Variants in TBCE observed in about 807,000 individuals in gnomAD.
The protein encoded by TBCE is tubulin folding cofactor E, also known as tubulin-specific chaperone E.
TBCE carries 53 observed loss-of-function variants against 77.0 expected under a neutral mutation model. The observed-to-expected ratio is 0.69, with a 90% CI of 0.55 to 0.87. TBCE has a LOEUF of 0.87. Among genes scored for constraint, TBCE ranks in the 40% least tolerant of loss-of-function variants. The pLI is 0.00. For synonymous variants in TBCE, 235 were observed against 241.3 expected (o/e 0.97, Z 0.24); for missense variants, 624 against 622.4 (o/e 1.00, Z -0.03).
chr1:235,368,114 C>T (rs1416612188), intron 1 of TBCE, among the ~76,000 whole-genome samples: 1 of 152,154 alleles, frequency 6.6e-6, no homozygotes, highest in Admixed American at 6.6e-5. Flanking sequence ...CCATGTTGGC[C>T]AGGCTGCTCT....
At chr1:235,426,088 C>A (rs556635040) in intron 5 of TBCE, among the ~76,000 whole-genome samples, 96 of 152,346 alleles carry the variant, frequency 6.3e-4, no homozygotes, top group African/African-American at 2.3e-3. Context: ...AATTTCCACA[C>A]ATACACATAT....
chr1:235,442,328 A>G (rs781239962), intron 14 of TBCE, among the ~76,000 whole-genome samples: 1 of 152,004 alleles, frequency 6.6e-6, no homozygotes, highest in African/African-American at 2.4e-5. Flanking sequence ...GCGCCACCAC[A>G]CCCAGTTAAT....
rs12751727 is a variant in TBCE, at chr1:235,448,021, C to T, written c.1400-328C>T. 3.0e-3 allele frequency among the ~76,000 whole-genome samples: 456 copies of T among 152,022 alleles called. 3 individuals are homozygous for T. Among genetic ancestry groups the T allele is most frequent in the Non-Finnish European group, 4.3e-3 (289 of 67,962 alleles). On this transcript the variant is annotated intron_variant, in intron 15 of 16. Coordinates refer to ENST00000642610, the MANE Select transcript of TBCE (RefSeq NM_003193.5). ...GTCAGGAGTTCAAGACCAGCCTGGCCAACATGGTGAAACCCCGTCTCTACT... is the reference window on the plus strand; with the variant it reads ...GTCAGGAGTTCAAGACCAGCCTGGCTAACATGGTGAAACCCCGTCTCTACT...
chr1:235,396,391 T>C (rs369923065), intron 2 of TBCE, among the ~76,000 whole-genome samples: 36 of 152,320 alleles, frequency 2.4e-4, no homozygotes, highest in African/African-American at 7.9e-4. Context: ...CATTCATCTG[T>C]TGATGGACAC....
In TBCE at chr1:235,400,679, C is replaced by T. The variant is rs374406379; in HGVS notation, c.101-824C>T. ...CCTCTCAAAGTGCTGGGGTTACAGG[C>T]GTGAGCCACTGTGCCCAGCCTTTTT... is the stretch of plus-strand genomic sequence containing the variant. On this transcript the variant is annotated intron_variant, in intron 2 of 16. Coordinates refer to ENST00000642610, the MANE Select transcript of TBCE (RefSeq NM_003193.5). 4.1e-4 allele frequency among the ~76,000 whole-genome samples: 62 copies of T among 150,228 alleles called. No homozygotes were observed. In the East Asian group the frequency reaches 0.01, roughly 25 times the overall value.
rs186664629 is a variant in TBCE, at chr1:235,369,974, C to T, written c.-32+2470C>T. On this transcript the variant is annotated intron_variant, in intron 1 of 16. Coordinates refer to ENST00000642610, the MANE Select transcript of TBCE (RefSeq NM_003193.5). Reference sequence around the variant, plus strand: ...TATGGTCTCCTCAAGCGCATCCTAGCCTCAGGATATTTGCACTTGCTATTC... The same window carrying T: ...TATGGTCTCCTCAAGCGCATCCTAGTCTCAGGATATTTGCACTTGCTATTC... 1.5e-4 allele frequency among the ~76,000 whole-genome samples: 23 copies of T among 152,280 alleles called. No individual in the cohort carries two copies. In the East Asian group the frequency reaches 3.9e-3, roughly 25 times the overall value.
rs925848562 is a variant in TBCE, at chr1:235,432,892, T to C, written c.661-1312T>C. 5 of 669,090 alleles carry C rather than the reference T, an allele frequency of 7.5e-6. No individual in the cohort carries two copies. The African/African-American group carries it at 9.8e-5, about 13-fold the overall frequency. 41.4% of individuals were successfully genotyped at this position (669,090 alleles called of 1,614,324 possible). On this transcript the variant is annotated intron_variant, in intron 7 of 16. Transcript: ENST00000642610. ...TATTATATATTATTATACATAATTA[T>C]ATAATATATAATAATTTTTTGTAAT... is the stretch of plus-strand genomic sequence containing the variant.
chr1:235,450,223 G>A lies in TBCE; in HGVS notation c.*1461G>A, dbSNP rs151155734. 4.6e-5 allele frequency: 74 copies of A among 1,613,990 alleles called. No homozygotes were observed. Among genetic ancestry groups the A allele is most frequent in the Non-Finnish European group, 5.6e-5 (66 of 1,179,978 alleles). Reference sequence around the variant, plus strand: ...AGTCCCTGTTATCTTGCTTGACATCGACAAGGATCACCGCACCGTTCCTTC... The same window carrying A: ...AGTCCCTGTTATCTTGCTTGACATCAACAAGGATCACCGCACCGTTCCTTC... On this transcript the variant is annotated 3_prime_UTR_variant, in exon 17 of 17. Transcript: ENST00000642610.
intron 13 of TBCE, chr1:235,440,716 C>G (rs1243413395): frequency 6.6e-6 from 1 of 152,034 alleles, no homozygotes; most frequent in Non-Finnish European, 1.5e-5. Flanking sequence ...TTTTTAAAGC[C>G]CCCCAGGTAA....
intron 4 of TBCE, among the ~76,000 whole-genome samples, chr1:235,417,422 A>G (rs1680169559): frequency 6.6e-6 from 1 of 152,236 alleles, no homozygotes; most frequent in Non-Finnish European, 1.5e-5. Flanking sequence ...ACAAGTATTT[A>G]TGTACATCTA....
chr1:235,416,230 C>A (rs1680107592), intron 4 of TBCE: 1 of 150,880 alleles, frequency 6.6e-6, no homozygotes, highest in Admixed American at 6.6e-5. Flanking sequence ...TACTGTTTAC[C>A]CTACTGATTT....
At position 235,450,441 on chromosome 1, in the gene TBCE, G is replaced by T; in HGVS notation, c.*1679G>T. ...AGCTTTTATGTATTCTAATGATGCT[G>T]AAATTATTTCAAGGATAACTCCGTG... On this transcript the variant is annotated 3_prime_UTR_variant, in exon 17 of 17. Coordinates refer to ENST00000642610, the MANE Select transcript of TBCE (RefSeq NM_003193.5). 1 of 1,381,766 alleles carries T rather than the reference G, an allele frequency of 7.2e-7. No homozygotes were observed. Among genetic ancestry groups the T allele is most frequent in the Non-Finnish European group, 1.0e-6 (1 of 1,001,486 alleles). The allele number at this position is 1,381,766 out of a possible 1,614,324, so 85.6% of individuals were successfully genotyped here. A position where few individuals can be genotyped will look rare whatever the true frequency, so the allele number is the denominator to read the frequency against.
intron 3 of TBCE, among the ~76,000 whole-genome samples, chr1:235,408,146 A>AT (rs1679564424): frequency 6.6e-6 from 1 of 152,218 alleles, no homozygotes; most frequent in Admixed American, 6.5e-5. Flanking sequence ...ATGGTTGACA[A>AT]TTTAAGAAAC....
At chr1:235,385,123 G>A (rs543633920) in intron 2 of TBCE, among the ~76,000 whole-genome samples, 10 of 152,100 alleles carry the variant, frequency 6.6e-5, no homozygotes, top group South Asian at 4.2e-4. Flanking sequence ...GTAGTTGAGC[G>A]GTTTTGAGTG....
intron 3 of TBCE, among the ~76,000 whole-genome samples, chr1:235,407,393 T>C (rs1679509997): frequency 1.3e-5 from 2 of 152,216 alleles, no homozygotes; most frequent in African/African-American, 4.8e-5. Context: ...GTCTAGTACA[T>C]TTTATAAAAA....
chr1:235,393,907 C>T (rs1678560457), intron 2 of TBCE, among the ~76,000 whole-genome samples: 1 of 152,056 alleles, frequency 6.6e-6, no homozygotes, highest in Non-Finnish European at 1.5e-5. Flanking sequence ...TGTATCAAAC[C>T]AAAGTTCCTG....
At chr1:235,448,485 T>G (rs1232502359) in intron 16 of TBCE, 45 bp downstream of exon 16, 2 of 1,567,742 alleles carry the variant, frequency 1.3e-6, no homozygotes, top group African/African-American at 2.7e-5. Context: ...AGCTTAGTCC[T>G]CGTATTATGA....
intron 6 of TBCE, among the ~76,000 whole-genome samples, chr1:235,428,676 G>C (rs977969539): frequency 7.8e-6 from 1 of 127,636 alleles, no homozygotes; most frequent in Admixed American, 8.4e-5. Flanking sequence ...ACAGTGTCTC[G>C]CCCTGTCGCC....
intron 5 of TBCE, among the ~76,000 whole-genome samples, chr1:235,420,039 C>T (rs4659524): frequency 0.48 from 73,113 of 151,318 alleles, 18,122 homozygotes; most frequent in East Asian, 0.66. Flanking sequence ...GAGCTGAGAT[C>T]GCGCCAGTGC....
Sources: gnomAD v4.1 joint callset for allele counts (sites outside exome capture counted in the v4.1 genomes callset) on GRCh38, gnomAD v4.1.1 for gene constraint, MANE v1.5 for transcripts, NCBI Gene and HGNC (gene_info 2026-07-23, HGNC 2026-07-21) for gene names.